SYT9: variants seen among roughly 807,000 people sequenced by gnomAD.
SYT9 encodes synaptotagmin-9.
In SYT9, 22 loss-of-function variants were observed where a neutral mutation model predicts 48.4. That is an observed-to-expected ratio of 0.45 (90% CI 0.32 to 0.65). The LOEUF is 0.65. Among genes scored for constraint, SYT9 ranks in the 30% least tolerant of loss-of-function variants. The pLI is 0.03. For missense variants in SYT9, 577 were observed against 622.0 expected (o/e 0.93, Z 0.77); for synonymous variants, 265 against 245.0 (o/e 1.08, Z -0.76).
chr11:7,349,343 A>C (rs890713674), intron 3 of SYT9, among the ~76,000 whole-genome samples: 4 of 151,604 alleles, frequency 2.6e-5, no homozygotes, highest in African/African-American at 4.9e-5. Context: ...AAAATGATAA[A>C]TTTTATGATG....
rs117258489 is a variant in SYT9 at position 7,377,093 on chromosome 11, C to A, written c.1045-38949C>A. Among the ~76,000 whole-genome samples the A allele has an allele frequency of 9.1e-3, 1,359 of 149,854 alleles. 9 individuals are homozygous for A. The highest frequency in any genetic ancestry group is 0.013 in the Non-Finnish European group (867 of 67,478). ...TGAGAGTTGAGTGGTGGAGAGAAGT[C>A]CCTGATGTCAACTGTCCCTGATCAA... is the stretch of plus-strand genomic sequence containing the variant. On this transcript the variant is annotated intron_variant, in intron 3 of 6. Coordinates refer to ENST00000318881, the MANE Select transcript of SYT9 (RefSeq NM_175733.4).
chr11:7,294,748 A>T (rs893282969), intron 1 of SYT9, among the ~76,000 whole-genome samples: 4 of 152,132 alleles, frequency 2.6e-5, no homozygotes, highest in Non-Finnish European at 4.4e-5. Flanking sequence ...CCACACACCC[A>T]CACATCTGGG....
chr11:7,293,488 G>C (rs562278250), intron 1 of SYT9, among the ~76,000 whole-genome samples: 12 of 152,308 alleles, frequency 7.9e-5, no homozygotes, highest in African/African-American at 2.9e-4. Context: ...CATGTCTGCT[G>C]CAAGAATGAA....
intron 3 of SYT9, among the ~76,000 whole-genome samples, chr11:7,349,046 C>T (rs552398805): frequency 2.0e-5 from 3 of 151,994 alleles, no homozygotes; most frequent in South Asian, 2.1e-4. Flanking sequence ...TTGAGCTCCC[C>T]GCAGCTTTTA....
intron 1 of SYT9, among the ~76,000 whole-genome samples, chr11:7,289,566 A>G (rs914501877): frequency 1.3e-5 from 2 of 152,262 alleles, no homozygotes; most frequent in Non-Finnish European, 1.5e-5. Context: ...GAAATGTCTT[A>G]GGAAAAACAA....
intron 6 of SYT9, among the ~76,000 whole-genome samples, chr11:7,436,468 G>A (rs530717807): frequency 9.2e-5 from 14 of 152,360 alleles, no homozygotes; most frequent in African/African-American, 3.4e-4. Flanking sequence ...ATCTCAGACT[G>A]AGGGTCCATG....
intron 6 of SYT9, among the ~76,000 whole-genome samples, chr11:7,425,591 T>TAGAA (rs138303823): frequency 1.3e-5 from 2 of 152,230 alleles, no homozygotes; most frequent in Non-Finnish European, 2.9e-5. Flanking sequence ...GGGAAAGTCC[T>TAGAA]AGAAAGTGCT....
At chr11:7,401,652 G>A (rs2134075306) in intron 3 of SYT9, among the ~76,000 whole-genome samples, 1 of 151,372 alleles carries the variant, frequency 6.6e-6, no homozygotes, top group Non-Finnish European at 1.5e-5. Flanking sequence ...TTTTATATAA[G>A]GTGTCAAATT....
intron 1 of SYT9, among the ~76,000 whole-genome samples, chr11:7,259,359 A>G (rs1014288419): frequency 2.0e-5 from 3 of 151,952 alleles, no homozygotes; most frequent in Non-Finnish European, 2.9e-5. Flanking sequence ...TTATTTAACC[A>G]TTCTTTTGAG....
chr11:7,245,579 T>C (rs987784479), intron 1 of SYT9, among the ~76,000 whole-genome samples: 2 of 152,226 alleles, frequency 1.3e-5, no homozygotes, highest in African/African-American at 4.8e-5. Context: ...TGTAACAGGA[T>C]ACCTGAGATT....
intron 3 of SYT9, among the ~76,000 whole-genome samples, chr11:7,388,902 T>C (rs1417569982): frequency 6.6e-6 from 1 of 152,168 alleles, no homozygotes; most frequent in Admixed American, 6.6e-5. Flanking sequence ...AGCTTTGGTC[T>C]CCGGGTGAAA....
chr11:7,281,107 G>A (rs12279190), intron 1 of SYT9, among the ~76,000 whole-genome samples: 9 of 152,154 alleles, frequency 5.9e-5, no homozygotes, highest in Non-Finnish European at 1.0e-4. Flanking sequence ...GATATGTGAC[G>A]GGGTTATATC....
intron 6 of SYT9, among the ~76,000 whole-genome samples, chr11:7,433,692 C>T (rs1847651840): frequency 6.6e-6 from 1 of 152,156 alleles, no homozygotes; most frequent in African/African-American, 2.4e-5. Flanking sequence ...AACTTGTTTG[C>T]CCCTTCTACC....
chr11:7,453,012 C>A (rs1172464397), intron 6 of SYT9, among the ~76,000 whole-genome samples: 1 of 152,014 alleles, frequency 6.6e-6, no homozygotes, highest in Non-Finnish European at 1.5e-5. Flanking sequence ...GAACTCCCGA[C>A]CTGAGATGAT....
chr11:7,248,911 C>T (rs150852339), upstream of SYT9, among the ~76,000 whole-genome samples: 1,533 of 152,280 alleles, frequency 0.01, 19 homozygotes, highest in South Asian at 0.04. Context: ...CTGGAGGCAT[C>T]ACATTACCTG....
chr11:7,369,433 A>G (rs531380697), intron 3 of SYT9, among the ~76,000 whole-genome samples: 33 of 151,956 alleles, frequency 2.2e-4, no homozygotes, highest in African/African-American at 5.6e-4. Flanking sequence ...TAGGTTGCCT[A>G]TTCACTCTGA....
rs557165419 is a variant in SYT9, at chr11:7,390,230, C to T, written c.1045-25812C>T. Among the ~76,000 whole-genome samples the T allele has an allele frequency of 1.2e-3, 188 of 152,250 alleles. 1 individual carries two copies. Among genetic ancestry groups the T allele is most frequent in the Non-Finnish European group, 2.2e-3 (148 of 68,020 alleles). On this transcript the variant is annotated intron_variant, in intron 3 of 6. Coordinates refer to ENST00000318881, the MANE Select transcript of SYT9 (RefSeq NM_175733.4). ...ACTCCCACTTATGAGTGAGAACATG[C>T]GGTGTTTGGTTTTCTGTCCTTGCAA... is the stretch of plus-strand genomic sequence containing the variant.
intron 3 of SYT9, among the ~76,000 whole-genome samples, chr11:7,401,872 T>C (rs1042890569): frequency 6.6e-6 from 1 of 151,836 alleles, no homozygotes; most frequent in East Asian, 1.9e-4. Flanking sequence ...TTTCTTTCCT[T>C]ATATCTCCTT....
In SYT9 at chr11:7,380,290, G is replaced by T. The variant is rs117710802; in HGVS notation, c.1045-35752G>T. Among the ~76,000 whole-genome samples the T allele has an allele frequency of 4.4e-3, 673 of 152,110 alleles. 3 individuals carry two copies. Among genetic ancestry groups the T allele is most frequent in the Non-Finnish European group, 4.0e-3 (273 of 67,990 alleles). On this transcript the variant is annotated intron_variant, in intron 3 of 6. Transcript: ENST00000318881. ...GTGGAAGGGTGGAAAGGTGGGAAGG[G>T]TAGTGAGGGGCTGGGGGAGTGTGGG...
Sources: gnomAD v4.1 joint callset for allele counts (sites outside exome capture counted in the v4.1 genomes callset) on GRCh38, gnomAD v4.1.1 for gene constraint, MANE v1.5 for transcripts, NCBI Gene and HGNC (gene_info 2026-07-23, HGNC 2026-07-21) for gene names.